The following MAP4K4 variants were observed in gnomAD, a reference collection of about 807,000 sequenced individuals.
MAP4K4 encodes mitogen-activated protein kinase kinase kinase kinase 4, also known as HPK/GCK-like kinase HGK.
A neutral mutation model predicts 189.6 loss-of-function variants in MAP4K4; 38 were observed. That is an observed-to-expected ratio of 0.20 (90% confidence interval 0.15 to 0.26). The LOEUF is 0.26. MAP4K4 is among the 10% of genes least tolerant of loss of function. The pLI is 1.00. For synonymous variants in MAP4K4, 610 were observed against 624.3 expected (o/e 0.98, Z 0.34); for missense variants, 1,054 against 1,726.9 (o/e 0.61, Z 6.91).
chr2:101,714,046 C>A (rs1257047262), intron 2 of MAP4K4, among the ~76,000 whole-genome samples: 1 of 140,066 alleles, frequency 7.1e-6, no homozygotes, highest in Non-Finnish European at 1.6e-5. Context: ...CTCACTCATA[C>A]AATAGAGACA....
At chr2:101,783,199 T>C (rs2088659514) in intron 2 of MAP4K4, among the ~76,000 whole-genome samples, 3 of 134,584 alleles carry the variant, frequency 2.2e-5, no homozygotes, top group African/African-American at 1.2e-4. Flanking sequence ...TTCTAATCTG[T>C]AAAATCACCA....
intron 3 of MAP4K4, among the ~76,000 whole-genome samples, chr2:101,792,843 A>G (rs951450092): frequency 3.3e-5 from 5 of 152,120 alleles, no homozygotes; most frequent in Admixed American, 1.3e-4. Flanking sequence ...CATATTGGCC[A>G]GGCTGGTCTT....
chr2:101,770,410 GGCTAATTTTTTGTATGTTAGTAGACCCA>G (rs1158438069), intron 2 of MAP4K4, among the ~76,000 whole-genome samples: 3 of 151,854 alleles, frequency 2.0e-5, no homozygotes, highest in Non-Finnish European at 2.9e-5. Context: ...CACCACACCC[GGCTAATTTTTTGTATGTTAGTAGACCCA>G]GCTAATTTTT....
chr2:101,743,708 A>C (rs532668693), intron 2 of MAP4K4, among the ~76,000 whole-genome samples: 1 of 152,190 alleles, frequency 6.6e-6, no homozygotes, highest in Admixed American at 6.5e-5. Context: ...CCCAGGCTGG[A>C]GTGCAGTGGC....
At chr2:101,829,201 A>G (rs1370035804) in intron 5 of MAP4K4, among the ~76,000 whole-genome samples, 1 of 152,192 alleles carries the variant, frequency 6.6e-6, no homozygotes, top group African/African-American at 2.4e-5. Context: ...CAAATAGCAC[A>G]AATTATAGCA....
intron 2 of MAP4K4, among the ~76,000 whole-genome samples, chr2:101,772,682 T>C (rs773483555): frequency 1.1e-4 from 17 of 152,224 alleles, no homozygotes; most frequent in Admixed American, 2.6e-4. Flanking sequence ...TGAAGTCTTT[T>C]TTGGCATTCA....
At chr2:101,845,987 A>G (rs1010082890) in intron 12 of MAP4K4, among the ~76,000 whole-genome samples, 1 of 152,176 alleles carries the variant, frequency 6.6e-6, no homozygotes, top group African/African-American at 2.4e-5. Context: ...GGAATCTTTC[A>G]TTCACTTTGT....
chr2:101,872,307 T>A (rs994052774), intron 24 of MAP4K4, among the ~76,000 whole-genome samples: 1 of 152,074 alleles, frequency 6.6e-6, no homozygotes, highest in African/African-American at 2.4e-5. Context: ...TAGAAAAAAT[T>A]AGGATGTTAA....
chr2:101,733,316 C>G (rs536546542), intron 2 of MAP4K4, among the ~76,000 whole-genome samples: 1 of 152,180 alleles, frequency 6.6e-6, no homozygotes, highest in Non-Finnish European at 1.5e-5. Context: ...GAAAGGATGT[C>G]AGGAAGGCAC....
chr2:101,760,506 AT>A lies in MAP4K4; in HGVS notation c.124-30213del, dbSNP rs1292341007. ...CCATCTCAAAAAAAAAAAACAAAATATATATATATATATATATGTATATATG... is the reference window on the plus strand; with the variant it reads ...CCATCTCAAAAAAAAAAAACAAAATAATATATATATATATATGTATATATG... On this transcript the variant is annotated intron_variant, in intron 2 of 32. Coordinates refer to ENST00000324219, the Ensembl canonical transcript of MAP4K4. Among the ~76,000 whole-genome samples the A allele has an allele frequency of 1.7e-3, 32 of 19,250 alleles. 1 individual carries two copies. The highest frequency in any genetic ancestry group is 3.9e-3 in the South Asian group (2 of 512). The allele number at this position is 19,250 out of a possible 152,430, so 12.6% of individuals were successfully genotyped here.
chr2:101,700,466 T>G (rs1015901966), intron 2 of MAP4K4, among the ~76,000 whole-genome samples: 2 of 152,220 alleles, frequency 1.3e-5, no homozygotes, highest in Non-Finnish European at 2.9e-5. Context: ...ATTAAATCTG[T>G]GCAAAAGTTG....
At chr2:101,701,569 C>T (rs1053847361) in intron 2 of MAP4K4, among the ~76,000 whole-genome samples, 1 of 152,144 alleles carries the variant, frequency 6.6e-6, no homozygotes, top group Non-Finnish European at 1.5e-5. Flanking sequence ...TTCTAATTTT[C>T]TGTGTCTCTG....
chr2:101,822,880 C>T (rs1253764266), intron 3 of MAP4K4, among the ~76,000 whole-genome samples: 15 of 152,190 alleles, frequency 9.9e-5, no homozygotes, highest in Admixed American at 9.2e-4. Flanking sequence ...TTCTAGAGAT[C>T]TGGTCATCAG....
chr2:101,859,005 AGGC>A, exon 14 of MAP4K4: 1 of 1,611,470 alleles, frequency 6.2e-7, no homozygotes, highest in Non-Finnish European at 8.5e-7. Context: ...GGAGTATATC[AGGC>A]GACAGCTAGA....
At chr2:101,755,047 C>T (rs1298542844) in intron 2 of MAP4K4, among the ~76,000 whole-genome samples, 1 of 152,064 alleles carries the variant, frequency 6.6e-6, no homozygotes, top group East Asian at 1.9e-4. Flanking sequence ...TGGGCAGCTG[C>T]TTCATTTATA....
intron 3 of MAP4K4, among the ~76,000 whole-genome samples, chr2:101,791,057 ATCT>A (rs963127401): frequency 2.0e-5 from 3 of 152,196 alleles, no homozygotes; most frequent in Non-Finnish European, 2.9e-5. Context: ...AATTGGAAAC[ATCT>A]TCTCTAATGG....
intron 12 of MAP4K4, among the ~76,000 whole-genome samples, chr2:101,852,499 T>C (rs1284955998): frequency 6.6e-5 from 10 of 152,082 alleles, no homozygotes; most frequent in Non-Finnish European, 1.2e-4. Context: ...GTTGATCTAG[T>C]AACCAAAGGT....
chr2:101,733,570 T>C (rs552430247), intron 2 of MAP4K4, among the ~76,000 whole-genome samples: 1 of 152,290 alleles, frequency 6.6e-6, no homozygotes, highest in African/African-American at 2.4e-5. Flanking sequence ...GCAGGGGAAG[T>C]GTAGCTGGTT....
chr2:101,794,610 C>A (rs2093454016), intron 3 of MAP4K4, among the ~76,000 whole-genome samples: 1 of 152,178 alleles, frequency 6.6e-6, no homozygotes, highest in African/African-American at 2.4e-5. Flanking sequence ...AATATTTGAG[C>A]ATGCTTGTCT....
Sources: gnomAD v4.1 joint callset for allele counts (sites outside exome capture counted in the v4.1 genomes callset) on GRCh38, gnomAD v4.1.1 for gene constraint, MANE v1.5 for transcripts, NCBI Gene and HGNC (gene_info 2026-07-23, HGNC 2026-07-21) for gene names.